Variants in MCC observed in about 807,000 individuals in gnomAD.
MCC encodes the protein MCC regulator of Wnt signaling pathway.
A neutral mutation model predicts 116.2 loss-of-function variants in MCC; 90 were observed. The ratio of observed to expected loss-of-function variants is 0.77; its 90% CI spans 0.65 to 0.92. The LOEUF (loss-of-function observed/expected upper bound fraction) is 0.92, where lower values mean the gene tolerates loss of function less well. Among genes scored for constraint, MCC ranks in the 40% least tolerant of loss-of-function variants. The pLI, the probability that MCC is intolerant of heterozygous loss-of-function variation, is 0.00. For synonymous variants in MCC, 578 were observed against 510.5 expected, an observed-to-expected ratio of 1.13 and a Z score of -1.78; for missense variants, 1,516 against 1,312.2, an observed-to-expected ratio of 1.16 and a Z score of -2.40.
chr5:113,027,776 G>A lies in MCC; in HGVS notation c.2880-294C>T, dbSNP rs1362193967. 2.6e-5 allele frequency among the ~76,000 whole-genome samples: 4 copies of A among 152,226 alleles called. No individual in the cohort carries two copies. In the East Asian group the frequency reaches 7.7e-4, roughly 29 times the overall value. ...AGAGTCAAACCAGCAATCCAAATTG[G>A]CCCAGTCCAAAACGGATAAATACAA... On this transcript the variant is annotated intron_variant, in intron 18 of 18. Coordinates refer to ENST00000408903, the MANE Select transcript of MCC (RefSeq NM_001085377.2).
intron 3 of MCC, among the ~76,000 whole-genome samples, chr5:113,213,631 G>T (rs920954271): frequency 9.9e-5 from 15 of 152,212 alleles, no homozygotes; most frequent in African/African-American, 3.6e-4. Context: ...AAGCACGCGG[G>T]TAAGAGAGAA....
At position 113,143,279 on chromosome 5, in the gene MCC, G is replaced by A. The variant is rs777464935; in HGVS notation, c.823C>T (p.Leu275Phe). 1.9e-6 allele frequency: 3 copies of A among 1,613,602 alleles called. No homozygotes were observed. The highest frequency in any genetic ancestry group is 2.5e-6 in the Non-Finnish European group (3 of 1,179,910). ...TTGAGCTCCGCAATGACGCTGTGGA[G>A]CTCTGTGATGCGTTCCTCATAGCGA... ...TLRYEERITE[L>F]HSVIAELNKK... Residue 275 changes from leucine (L) to phenylalanine (F), a missense_variant, in exon 5 of 19, where the codon CTC (leucine) becomes TTC (phenylalanine). Physicochemically the swap from Leu to Phe is conservative, Grantham distance 22. Transcript: ENST00000408903.
intron 3 of MCC, among the ~76,000 whole-genome samples, chr5:113,178,898 CTCATT>C (rs1273499212): frequency 3.8e-5 from 5 of 129,946 alleles, no homozygotes; most frequent in Admixed American, 1.6e-4. Flanking sequence ...TTCTATCTCT[CTCATT>C]TATCTTATCA....
intron 1 of MCC, among the ~76,000 whole-genome samples, chr5:113,469,321 G>C (rs1772011123): frequency 6.6e-6 from 1 of 151,984 alleles, no homozygotes; most frequent in African/African-American, 2.4e-5. Context: ...TGGGCGTTTA[G>C]TGCTAGAAAT....
At chr5:113,190,272 A>C (rs1561442385) in intron 3 of MCC, among the ~76,000 whole-genome samples, 1 of 152,206 alleles carries the variant, frequency 6.6e-6, no homozygotes. Flanking sequence ...GGGCTCTAAC[A>C]AGCCACTTGA....
At chr5:113,198,723 GAATT>G (rs1762545366) in intron 3 of MCC, among the ~76,000 whole-genome samples, 1 of 138,548 alleles carries the variant, frequency 7.2e-6, no homozygotes, top group Non-Finnish European at 1.6e-5. Flanking sequence ...AAAAAAAAAA[GAATT>G]AACAGACAGT....
chr5:113,141,107 G>A (rs928758149), intron 5 of MCC, among the ~76,000 whole-genome samples: 1 of 152,152 alleles, frequency 6.6e-6, no homozygotes, highest in Admixed American at 6.5e-5. Context: ...GAAGAGAAAA[G>A]ACAAATTCAC....
At chr5:113,247,151 T>C (rs1479370229) in intron 3 of MCC, among the ~76,000 whole-genome samples, 1 of 152,138 alleles carries the variant, frequency 6.6e-6, no homozygotes, top group Non-Finnish European at 1.5e-5. Flanking sequence ...TGGAGGAAGG[T>C]AGGGCGTATA....
intron 3 of MCC, among the ~76,000 whole-genome samples, chr5:113,280,454 C>A (rs899911065): frequency 2.6e-5 from 4 of 152,208 alleles, no homozygotes; most frequent in African/African-American, 9.7e-5. Flanking sequence ...CCACCAGCCA[C>A]TCTCACCAGC....
intron 8 of MCC, among the ~76,000 whole-genome samples, chr5:113,089,892 C>A (rs930596979): frequency 3.3e-5 from 5 of 152,152 alleles, no homozygotes; most frequent in African/African-American, 1.2e-4. Flanking sequence ...TAAAGAGAAG[C>A]TGATCTTTTC....
intron 2 of MCC, among the ~76,000 whole-genome samples, chr5:113,379,480 C>T (rs1288421271): frequency 6.6e-6 from 1 of 152,128 alleles, no homozygotes; most frequent in Non-Finnish European, 1.5e-5. Flanking sequence ...TATCTTGAGA[C>T]ATAAAAAACT....
Position 113,143,261 on chromosome 5 carries a change from C to T in MCC, c.841G>A (p.Glu281Lys), listed in dbSNP as rs1158065160. 3.1e-6 allele frequency: 5 copies of T among 1,612,606 alleles called. 1 individual carries two copies. Among genetic ancestry groups the T allele is most frequent in the Middle Eastern group, 1.6e-4 (1 of 6,078 alleles). Residue 281 changes from glutamate to lysine, a missense_variant, in exon 5 of 19, where the codon GAG (glutamate) becomes AAG (lysine). Physicochemically the swap from Glu to Lys is moderately conservative, Grantham distance 56. Coordinates refer to ENST00000408903, the MANE Select transcript of MCC (RefSeq NM_001085377.2). The stretch of plus-strand genomic sequence containing the variant: ...AGACGGTCTATCTTCTTGTTGAGCT[C>T]CGCAATGACGCTGTGGAGCTCTGTG... ...RITELHSVIA[E>K]LNKKIDRLQG...
chr5:113,134,450 C>G (rs1357341820), intron 5 of MCC, among the ~76,000 whole-genome samples: 1 of 151,444 alleles, frequency 6.6e-6, no homozygotes, highest in Non-Finnish European at 1.5e-5. Flanking sequence ...TGTGCCAGTA[C>G]TATGCTGTTT....
At chr5:113,047,869 A>C (rs1367364356) in intron 16 of MCC, among the ~76,000 whole-genome samples, 1 of 150,650 alleles carries the variant, frequency 6.6e-6, no homozygotes, top group Admixed American at 6.6e-5. Context: ...CTGATAAAAG[A>C]GTGAGTTTGC....
intron 5 of MCC, among the ~76,000 whole-genome samples, chr5:113,131,358 A>G (rs1033991966): frequency 6.6e-6 from 1 of 152,174 alleles, no homozygotes; most frequent in African/African-American, 2.4e-5. Context: ...AAAGCCACCC[A>G]TAACAGTTAA....
chr5:113,134,148 C>G (rs571432362), intron 5 of MCC, among the ~76,000 whole-genome samples: 1 of 152,092 alleles, frequency 6.6e-6, no homozygotes, highest in African/African-American at 2.4e-5. Flanking sequence ...AATTCTTTGC[C>G]CAGACTCAAT....
intron 17 of MCC, among the ~76,000 whole-genome samples, chr5:113,029,900 T>C (rs539585783): frequency 3.3e-5 from 5 of 152,342 alleles, no homozygotes; most frequent in African/African-American, 9.6e-5. Context: ...CGCTCCCCCA[T>C]GGTCATGTTG....
intron 2 of MCC, among the ~76,000 whole-genome samples, chr5:113,375,474 A>C (rs1043235977): frequency 3.9e-5 from 6 of 152,218 alleles, no homozygotes; most frequent in Non-Finnish European, 7.3e-5. Flanking sequence ...TTAGTGACTT[A>C]AAACAGCAAC....
intron 17 of MCC, among the ~76,000 whole-genome samples, chr5:113,031,772 A>C (rs1750971321): frequency 6.6e-6 from 1 of 152,094 alleles, no homozygotes; most frequent in African/African-American, 2.4e-5. Context: ...CCCAGCACCC[A>C]GGCCCTCAGG....
Sources: allele counts gnomAD v4.1 joint callset (sites outside exome capture counted in the v4.1 genomes callset), GRCh38; gene constraint gnomAD v4.1.1; transcripts MANE v1.5; gene names NCBI Gene and HGNC (gene_info 2026-07-23, HGNC 2026-07-21).